TXNDC16: variants seen among roughly 807,000 people sequenced by gnomAD.
TXNDC16 encodes thioredoxin domain-containing protein 16.
In TXNDC16, 74 loss-of-function variants were observed where a neutral mutation model predicts 85.6. That is an observed-to-expected ratio of 0.86 (90% CI 0.72 to 1.05). The LOEUF is 1.05. TXNDC16 is among the 50% of genes least tolerant of loss of function. The pLI is 0.00. For synonymous variants in TXNDC16, 335 were observed against 326.5 expected (o/e 1.03, Z -0.28); for missense variants, 959 against 947.0 (o/e 1.01, Z -0.17).
intron 20 of TXNDC16, among the ~76,000 whole-genome samples, chr14:52,435,678 G>C (rs1298208362): frequency 1.3e-5 from 2 of 152,032 alleles, no homozygotes; most frequent in Non-Finnish European, 2.9e-5. Flanking sequence ...ACAAAGAATA[G>C]GGCCAGGTGC....
intron 14 of TXNDC16, among the ~76,000 whole-genome samples, chr14:52,473,420 T>C (rs958011380): frequency 1.3e-5 from 2 of 152,238 alleles, no homozygotes; most frequent in African/African-American, 4.8e-5. Context: ...GCTGCAGTTC[T>C]TTCCTTTCAA....
chr14:52,527,701 G>A (rs572901032), intron 6 of TXNDC16, among the ~76,000 whole-genome samples: 14 of 152,198 alleles, frequency 9.2e-5, no homozygotes, highest in African/African-American at 2.9e-4. Flanking sequence ...TAGCGCTACC[G>A]TGCTACTCTG....
chr14:52,451,318 G>C (rs911075127), intron 18 of TXNDC16, among the ~76,000 whole-genome samples: 9 of 149,578 alleles, frequency 6.0e-5, no homozygotes, highest in Non-Finnish European at 8.9e-5. Context: ...GGAAAATAGA[G>C]GAGAAAGGAG....
At chr14:52,436,931 G>A (rs1472901843) in intron 20 of TXNDC16, among the ~76,000 whole-genome samples, 1 of 151,824 alleles carries the variant, frequency 6.6e-6, no homozygotes, top group Non-Finnish European at 1.5e-5. Context: ...AGACCATCTA[G>A]TATCTAATAA....
chr14:52,467,598 G>A (rs183572292), intron 16 of TXNDC16, among the ~76,000 whole-genome samples: 5 of 152,136 alleles, frequency 3.3e-5, no homozygotes, highest in Admixed American at 2.6e-4. Context: ...ATAAAATAAC[G>A]AATATTGGCA....
intron 17 of TXNDC16, 41 bp from the exon 18 acceptor site, chr14:52,455,503 A>G: frequency 6.2e-7 from 1 of 1,609,588 alleles, no homozygotes; most frequent in Non-Finnish European, 8.5e-7. Flanking sequence ...ATCAAAATCT[A>G]GCATGTCAAA....
chr14:52,549,629 ATT>A lies in TXNDC16; in HGVS notation c.-182+2685_-182+2686del, dbSNP rs748701260. Among the ~76,000 whole-genome samples the A allele has an allele frequency of 6.9e-3, 915 of 132,928 alleles. 10 individuals are homozygous for A. Among genetic ancestry groups the A allele is most frequent in the Admixed American group, 0.043 (554 of 12,972 alleles). The allele number at this position is 132,928 out of a possible 152,430, so 87.2% of individuals were successfully genotyped here. ...CAATAGTAATTGACAAACAGTTCTGATTTTTTTTTTTTTTTTTTTGAGACAGA... is the reference window on the plus strand; with the variant it reads ...CAATAGTAATTGACAAACAGTTCTGATTTTTTTTTTTTTTTTTGAGACAGA... On this transcript the variant is annotated intron_variant, in intron 1 of 20. Transcript: ENST00000281741.
At chr14:52,469,544 A>T (rs1478592997) in intron 16 of TXNDC16, among the ~76,000 whole-genome samples, 1 of 151,862 alleles carries the variant, frequency 6.6e-6, no homozygotes, top group African/African-American at 2.4e-5. Flanking sequence ...AGAGATGGAG[A>T]CCATCCTGGC....
At chr14:52,524,637 A>T (rs757974028) in intron 6 of TXNDC16, among the ~76,000 whole-genome samples, 3 of 152,118 alleles carry the variant, frequency 2.0e-5, no homozygotes, top group Non-Finnish European at 4.4e-5. Flanking sequence ...GACAACAGGC[A>T]CACATCACCA....
chr14:52,495,765 C>A (rs2140160653), intron 9 of TXNDC16, among the ~76,000 whole-genome samples: 1 of 152,298 alleles, frequency 6.6e-6, no homozygotes, highest in Non-Finnish European at 1.5e-5. Flanking sequence ...GAGTCCTGCA[C>A]AAAGTTTAAT....
At chr14:52,521,385 T>C (rs1339070711) in intron 6 of TXNDC16, among the ~76,000 whole-genome samples, 2 of 151,590 alleles carry the variant, frequency 1.3e-5, no homozygotes, top group South Asian at 2.1e-4. Flanking sequence ...CCTCCCAAAG[T>C]GCTGGGATTA....
At chr14:52,460,082 A>C (rs1291350644) in intron 16 of TXNDC16, among the ~76,000 whole-genome samples, 2 of 152,112 alleles carry the variant, frequency 1.3e-5, no homozygotes, top group Non-Finnish European at 2.9e-5. Context: ...GAAAGAAAAA[A>C]AGAGCATCCA....
At chr14:52,462,526 C>T (rs1034840994) in intron 16 of TXNDC16, among the ~76,000 whole-genome samples, 2 of 152,148 alleles carry the variant, frequency 1.3e-5, no homozygotes, top group Non-Finnish European at 2.9e-5. Flanking sequence ...TGTTGCCCAG[C>T]CTGGCTGGTG....
chr14:52,441,651 TAATC>T (rs2035168939), intron 18 of TXNDC16, among the ~76,000 whole-genome samples: 1 of 150,694 alleles, frequency 6.6e-6, no homozygotes. Flanking sequence ...GATAAGGAGG[TAATC>T]ATTCTCCTGC....
intron 12 of TXNDC16, among the ~76,000 whole-genome samples, chr14:52,484,441 A>C (rs1162859279): frequency 3.3e-5 from 5 of 152,238 alleles, no homozygotes; most frequent in African/African-American, 1.2e-4. Flanking sequence ...AATGGACAAC[A>C]TATACAACTG....
chr14:52,496,195 T>C (rs1433065371), intron 9 of TXNDC16, among the ~76,000 whole-genome samples: 4 of 150,830 alleles, frequency 2.7e-5, no homozygotes, highest in African/African-American at 9.8e-5. Context: ...TTTTCCCCAA[T>C]ACATACACAA....
At chr14:52,527,995 C>A (rs1364233825) in intron 6 of TXNDC16, among the ~76,000 whole-genome samples, 1 of 151,814 alleles carries the variant, frequency 6.6e-6, no homozygotes, top group Non-Finnish European at 1.5e-5. Flanking sequence ...AAATATCCTA[C>A]CAAAAAAGGT....
intron 9 of TXNDC16, among the ~76,000 whole-genome samples, chr14:52,506,529 T>TCATGCTAAAAACTCTCAACAACTTAGG (rs1461103438): frequency 1.7e-5 from 2 of 117,008 alleles, no homozygotes; most frequent in Non-Finnish European, 3.3e-5. Context: ...CAACAACCCT[T>TCATGCTAAAAACTCTCAACAACTTAGG]TTTTTTTTTT....
At chr14:52,532,724 C>T (rs1051909833) in intron 6 of TXNDC16, among the ~76,000 whole-genome samples, 3 of 152,078 alleles carry the variant, frequency 2.0e-5, no homozygotes, top group Non-Finnish European at 4.4e-5. Context: ...GCGTGAGCCA[C>T]CGCACCCAGC....
Sources: gnomAD v4.1 joint callset for allele counts (sites outside exome capture counted in the v4.1 genomes callset) on GRCh38, gnomAD v4.1.1 for gene constraint, MANE v1.5 for transcripts, NCBI Gene and HGNC (gene_info 2026-07-23, HGNC 2026-07-21) for gene names.